CELF2: variants seen among roughly 807,000 people sequenced by gnomAD.
CELF2 encodes CUG triplet repeat RNA-binding protein 2.
CELF2 carries 8 observed loss-of-function variants against 62.6 expected under a neutral mutation model. The ratio of observed to expected loss-of-function variants is 0.13; its 90% CI spans 0.07 to 0.23. CELF2 has a LOEUF of 0.23. CELF2 is among the 10% of genes least tolerant of loss of function. The probability of loss-of-function intolerance (pLI) is 1.00; values close to 1 mark genes in which losing one functional copy is unlikely to be tolerated. For synonymous variants in CELF2, 258 were observed against 250.0 expected (o/e 1.03, Z -0.30); for missense variants, 333 against 671.0 (o/e 0.50, Z 5.56).
chr10:10,595,443 T>C, the CELF2 span, among the ~76,000 whole-genome samples: 1 of 152,004 alleles, frequency 6.6e-6, no homozygotes, highest in East Asian at 1.9e-4. Flanking sequence ...ATACTGAAAG[T>C]GAGGTGGGAG....
rs753550766 is a variant in CELF2 at position 11,314,378 on chromosome 10, G to C, written c.1096+120G>C. The C allele has an allele frequency of 7.4e-7, 1 of 1,349,646 alleles. No homozygotes were observed. The highest frequency in any genetic ancestry group is 1.2e-5 in the South Asian group (1 of 83,808). 83.6% of individuals were successfully genotyped at this position (1,349,646 alleles called of 1,614,324 possible). A position where few individuals can be genotyped will look rare whatever the true frequency, so the allele number is the denominator to read the frequency against. On this transcript the variant is annotated intron_variant, in intron 10 of 12. Coordinates refer to ENST00000633077, the MANE Select transcript of CELF2 (RefSeq NM_001326342.2). This position sits in a 1 kb window ranked among gnomAD's most constrained non-coding sequence, Gnocchi z 5.3. ...TATGCCACGGGGAGAACTAAAACTT[G>C]GGATGGAGGAGCACATGCTTTGATA...
At chr10:11,030,369 T>C (rs2059902469) in intron 1 of CELF2, 1 of 152,220 alleles carries the variant, frequency 6.6e-6, no homozygotes, top group Non-Finnish European at 1.5e-5. Context: ...AACTCGAAAA[T>C]GTACCTCTGT....
chr10:11,187,166 A>G (rs1440247290), intron 2 of CELF2, among the ~76,000 whole-genome samples: 1 of 151,768 alleles, frequency 6.6e-6, no homozygotes, highest in African/African-American at 2.4e-5. Flanking sequence ...GTATTTGTGT[A>G]TTTCTCCTTT....
At chr10:11,071,610 C>G (rs562337045) in intron 1 of CELF2, 2 of 152,348 alleles carry the variant, frequency 1.3e-5, no homozygotes, top group Admixed American at 1.3e-4. Flanking sequence ...TGTCAGTACA[C>G]AGCCAATTCA....
chr10:10,665,683 T>C, the CELF2 span, among the ~76,000 whole-genome samples: 6 of 152,178 alleles, frequency 3.9e-5, no homozygotes, highest in Non-Finnish European at 8.8e-5. Flanking sequence ...CATCACAAAT[T>C]AGTTTTAAAA....
chr10:10,624,253 T>C, the CELF2 span, among the ~76,000 whole-genome samples: 5 of 152,232 alleles, frequency 3.3e-5, no homozygotes, highest in African/African-American at 1.2e-4. Context: ...ATTTCTACAA[T>C]CCATGCCAGA....
At chr10:11,035,232 C>T (rs1227867656) in intron 1 of CELF2, among the ~76,000 whole-genome samples, 2 of 152,150 alleles carry the variant, frequency 1.3e-5, no homozygotes, top group Non-Finnish European at 2.9e-5. Context: ...TTCTCCAAGC[C>T]GTCTTCTTAC....
At chr10:10,585,648 C>T in the CELF2 span, among the ~76,000 whole-genome samples, 1 of 152,130 alleles carries the variant, frequency 6.6e-6, no homozygotes, top group East Asian at 1.9e-4. Context: ...ATTACGCTCC[C>T]TTTGTCATAT....
the CELF2 span, among the ~76,000 whole-genome samples, chr10:10,621,542 T>C: frequency 6.6e-6 from 1 of 152,176 alleles, no homozygotes; most frequent in African/African-American, 2.4e-5. Context: ...GGCTCTACAC[T>C]TTGCTGAATC....
intron 2 of CELF2, among the ~76,000 whole-genome samples, chr10:11,197,052 A>AGAGGAGAGAAG (rs1565232973): frequency 3.2e-5 from 1 of 31,620 alleles, no homozygotes. Flanking sequence ...AAAGAAAGAA[A>AGAGGAGAGAAG]GAAAGAAAAG....
intron 2 of CELF2, among the ~76,000 whole-genome samples, chr10:11,204,650 G>A (rs909808646): frequency 1.3e-5 from 2 of 152,180 alleles, no homozygotes; most frequent in Admixed American, 6.5e-5. Context: ...ACAGTCAGAC[G>A]GCAGTGATCT....
chr10:10,602,391 G>C, the CELF2 span, among the ~76,000 whole-genome samples: 34 of 152,118 alleles, frequency 2.2e-4, 1 homozygote, highest in Non-Finnish European at 5.9e-5. Flanking sequence ...TCTTACTCAT[G>C]TGTAGTCCCC....
At chr10:10,884,070 G>A (rs2061604252) in intron 1 of CELF2, among the ~76,000 whole-genome samples, 1 of 151,946 alleles carries the variant, frequency 6.6e-6, no homozygotes, top group Non-Finnish European at 1.5e-5. Context: ...TATGATTTAG[G>A]AATCTGCAAG....
At chr10:10,651,279 C>A in the CELF2 span, among the ~76,000 whole-genome samples, 34 of 145,708 alleles carry the variant, frequency 2.3e-4, no homozygotes, top group Non-Finnish European at 4.1e-4. Context: ...TGCAAGGCGG[C>A]AGTGAGGCTG....
chr10:11,200,470 T>C (rs1347164453), intron 2 of CELF2, among the ~76,000 whole-genome samples: 2 of 152,266 alleles, frequency 1.3e-5, no homozygotes, highest in Non-Finnish European at 2.9e-5. Context: ...TCTTATACTC[T>C]GCAGAATGTG....
chr10:10,808,334 A>G (rs368057403), intron 1 of CELF2, among the ~76,000 whole-genome samples: 2 of 152,276 alleles, frequency 1.3e-5, no homozygotes, highest in East Asian at 1.9e-4. Flanking sequence ...AAGGTTAAAC[A>G]TTTCTTTTTA....
At chr10:10,923,277 G>A (rs1243687979) in intron 2 of CELF2, among the ~76,000 whole-genome samples, 1 of 152,222 alleles carries the variant, frequency 6.6e-6, no homozygotes, top group Non-Finnish European at 1.5e-5. Flanking sequence ...CTAGTGATAT[G>A]TGGCTGGGAA....
the CELF2 span, among the ~76,000 whole-genome samples, chr10:10,713,681 T>C: frequency 6.6e-6 from 1 of 152,346 alleles, no homozygotes; most frequent in East Asian, 1.9e-4. Flanking sequence ...CCTATTCATA[T>C]GCAATTGAGT....
At chr10:10,856,138 T>C (rs1203439647) in intron 1 of CELF2, among the ~76,000 whole-genome samples, 1 of 152,108 alleles carries the variant, frequency 6.6e-6, no homozygotes, top group African/African-American at 2.4e-5. Flanking sequence ...AAGGAGAAAA[T>C]AAGGAAGTTG....
Sources: gnomAD v4.1 joint callset for allele counts (sites outside exome capture counted in the v4.1 genomes callset) on GRCh38, gnomAD v4.1.1 for gene constraint, Gnocchi (gnomAD v3.1) non-coding constraint, MANE v1.5 for transcripts, NCBI Gene and HGNC (gene_info 2026-07-23, HGNC 2026-07-21) for gene names.